ARHGAP8: variants seen among roughly 807,000 people sequenced by gnomAD.
ARHGAP8 encodes the protein Rho GTPase activating protein 8.
ARHGAP8 carries 62 observed loss-of-function variants against 46.1 expected under a neutral mutation model. The observed-to-expected ratio is 1.34, with a 90% CI of 1.10 to 1.66. ARHGAP8 has a LOEUF of 1.66. Ranked by LOEUF, ARHGAP8 falls within the 40% of genes most tolerant of loss-of-function variation. The pLI, the probability that ARHGAP8 is intolerant of heterozygous loss-of-function variation, is 0.00. For synonymous variants in ARHGAP8, 375 were observed against 243.1 expected (o/e 1.54, Z -5.05); for missense variants, 923 against 568.4 (o/e 1.62, Z -6.34).
Position 44,844,942 on chromosome 22 carries a change from C to G in ARHGAP8, c.597-327C>G, listed in dbSNP as rs547314787. 4.6e-5 allele frequency among the ~76,000 whole-genome samples: 7 copies of G among 152,276 alleles called. No homozygotes were observed. In the South Asian group the frequency reaches 1.5e-3, roughly 32 times the overall value. On this transcript the variant is annotated intron_variant, in intron 7 of 11. Coordinates refer to ENST00000356099, the MANE Select transcript of ARHGAP8 (RefSeq NM_181335.3). Reference sequence around the variant, plus strand: ...CAGTATGGCTTCCCTGTCTAGAATGCCCTTCTCTCTTTTGTCCTCTGGCAG... The same window carrying G: ...CAGTATGGCTTCCCTGTCTAGAATGGCCTTCTCTCTTTTGTCCTCTGGCAG...
At chr22:44,837,390 C>T (rs550676895) in intron 7 of ARHGAP8, among the ~76,000 whole-genome samples, 1 of 152,322 alleles carries the variant, frequency 6.6e-6, no homozygotes, top group South Asian at 2.1e-4. Flanking sequence ...CCACAGAGAA[C>T]GCTGTGCTGA....
At chr22:44,861,494 C>G (rs577938241) in intron 11 of ARHGAP8, among the ~76,000 whole-genome samples, 5 of 152,240 alleles carry the variant, frequency 3.3e-5, no homozygotes, top group South Asian at 4.1e-4. Flanking sequence ...AGGCATCCAG[C>G]CATCTCACCT....
At chr22:44,765,322 C>T (rs1051590064) in intron 1 of ARHGAP8, 3 of 152,402 alleles carry the variant, frequency 2.0e-5, no homozygotes, top group Non-Finnish European at 4.4e-5. Context: ...CCTGCATTGC[C>T]AGGGAGGGGG....
intron 4 of ARHGAP8, chr22:44,809,146 ACAGT>A (rs939571730): frequency 3.2e-5 from 15 of 470,884 alleles, no homozygotes; most frequent in East Asian, 2.8e-4. Flanking sequence ...AAAGGGCCAG[ACAGT>A]CAGCATTTTA....
intron 5 of ARHGAP8, among the ~76,000 whole-genome samples, chr22:44,820,556 T>C (rs979010998): frequency 1.3e-5 from 2 of 152,108 alleles, no homozygotes; most frequent in South Asian, 4.1e-4. Flanking sequence ...AGGACACTCC[T>C]GCAGGGGTCC....
chr22:44,861,178 G>T (rs184880543), intron 11 of ARHGAP8, among the ~76,000 whole-genome samples: 3 of 152,206 alleles, frequency 2.0e-5, no homozygotes, highest in Non-Finnish European at 2.9e-5. Flanking sequence ...CGTCACATTG[G>T]CCAGGCTGAT....
At chr22:44,769,114 C>T (rs1925816807) in intron 1 of ARHGAP8, among the ~76,000 whole-genome samples, 1 of 152,194 alleles carries the variant, frequency 6.6e-6, no homozygotes, top group Non-Finnish European at 1.5e-5. Context: ...GGATTACAGG[C>T]ATGAGGCACC....
chr22:44,833,195 C>T (rs1931076988), intron 7 of ARHGAP8, among the ~76,000 whole-genome samples: 1 of 150,286 alleles, frequency 6.7e-6, no homozygotes, highest in South Asian at 2.1e-4. Context: ...TTCCTGGGCT[C>T]CAGTGATCCT....
intron 1 of ARHGAP8, among the ~76,000 whole-genome samples, chr22:44,778,405 A>G (rs1485928898): frequency 1.6e-4 from 24 of 152,110 alleles, no homozygotes; most frequent in Non-Finnish European, 1.5e-5. Context: ...TCTATATCAC[A>G]GTTTCTTTAT....
At chr22:44,858,145 A>G (rs566212719) in intron 10 of ARHGAP8, among the ~76,000 whole-genome samples, 1 of 152,138 alleles carries the variant, frequency 6.6e-6, no homozygotes, top group Non-Finnish European at 1.5e-5. Context: ...AGCCAACAGG[A>G]ATGATCATAG....
rs1931604761 is a variant in ARHGAP8, at chr22:44,840,829, AG to A, written c.597-4436del. Among the ~76,000 whole-genome samples, 3 of 152,226 alleles carry A rather than the reference AG, an allele frequency of 2.0e-5. No homozygotes were observed. In the South Asian group the frequency reaches 6.2e-4, roughly 31 times the overall value. On this transcript the variant is annotated intron_variant, in intron 7 of 11. Coordinates refer to ENST00000356099, the MANE Select transcript of ARHGAP8 (RefSeq NM_181335.3). ...CCCGGCCGCGTCCTCGCGTGGAGAA[AG>A]GGGAAGCTCCCTGGGGTCGCTTTTA...
chr22:44,785,841 A>T (rs1927179880), intron 1 of ARHGAP8, among the ~76,000 whole-genome samples: 1 of 151,850 alleles, frequency 6.6e-6, no homozygotes, highest in Non-Finnish European at 1.5e-5. Flanking sequence ...CCTGCCCTCA[A>T]CCCCAGCCCA....
chr22:44,845,752 A>G (rs2269539), intron 8 of ARHGAP8, among the ~76,000 whole-genome samples: 10,128 of 152,230 alleles, frequency 0.067, 799 homozygotes, highest in East Asian at 0.42. Context: ...TACCATTGCC[A>G]GTAGGGTGGG....
At chr22:44,841,002 A>G (rs961446450) in intron 7 of ARHGAP8, among the ~76,000 whole-genome samples, 19 of 152,150 alleles carry the variant, frequency 1.2e-4, no homozygotes, top group Admixed American at 6.5e-4. Context: ...CCATGGCCCC[A>G]AAACTTGGCT....
At chr22:44,857,509 C>T (rs534286975) in intron 10 of ARHGAP8, among the ~76,000 whole-genome samples, 6 of 152,258 alleles carry the variant, frequency 3.9e-5, no homozygotes, top group Non-Finnish European at 2.9e-5. Context: ...CGTAAGGAAA[C>T]GAAGGCCCAG....
intron 6 of ARHGAP8, among the ~76,000 whole-genome samples, chr22:44,824,996 GTCCATCTGT>G (rs1251500598): frequency 6.6e-6 from 1 of 151,588 alleles, no homozygotes; most frequent in African/African-American, 2.4e-5. Context: ...CCTTTTCAGA[GTCCATCTGT>G]TCATTCATGG....
intron 7 of ARHGAP8, among the ~76,000 whole-genome samples, chr22:44,840,434 C>T (rs1602250565): frequency 6.8e-6 from 1 of 146,918 alleles, no homozygotes; most frequent in South Asian, 2.4e-4. Flanking sequence ...TCCCTTGTTA[C>T]ATCCCCTCTC....
At chr22:44,770,620 G>T (rs1925928310) in intron 1 of ARHGAP8, among the ~76,000 whole-genome samples, 1 of 152,092 alleles carries the variant, frequency 6.6e-6, no homozygotes, top group Non-Finnish European at 1.5e-5. Context: ...TGCCCAGGCT[G>T]GTCTCACACT....
At chr22:44,790,602 G>A (rs534781483) in intron 2 of ARHGAP8, among the ~76,000 whole-genome samples, 3 of 146,830 alleles carry the variant, frequency 2.0e-5, no homozygotes, top group African/African-American at 7.6e-5. Flanking sequence ...CTTGAACCCG[G>A]GAGACCGAGG....
Sources: allele counts gnomAD v4.1 joint callset (sites outside exome capture counted in the v4.1 genomes callset), GRCh38; gene constraint gnomAD v4.1.1; transcripts MANE v1.5; gene names NCBI Gene and HGNC (gene_info 2026-07-23, HGNC 2026-07-21).